ADGRL3: variants seen among roughly 807,000 people sequenced by gnomAD.
The protein encoded by ADGRL3 is adhesion G protein-coupled receptor L3, also known as calcium-independent alpha-latrotoxin receptor 3.
A neutral mutation model predicts 153.5 loss-of-function variants in ADGRL3; 62 were observed. The ratio of observed to expected loss-of-function variants is 0.40; its 90% CI spans 0.33 to 0.50. ADGRL3 has a LOEUF of 0.50. Among genes scored for constraint, ADGRL3 ranks in the 20% least tolerant of loss-of-function variants. ADGRL3 has a pLI of 0.47. For missense variants in ADGRL3, 1,641 were observed against 1,859.4 expected (o/e 0.88, Z 2.16); for synonymous variants, 710 against 672.5 (o/e 1.06, Z -0.86).
At chr4:61,986,695 T>C (rs1409706793) in intron 19 of ADGRL3, among the ~76,000 whole-genome samples, 1 of 152,142 alleles carries the variant, frequency 6.6e-6, no homozygotes, top group Non-Finnish European at 1.5e-5. Flanking sequence ...GGAAGAGAGA[T>C]AGGAAAAGAT....
intron 4 of ADGRL3, among the ~76,000 whole-genome samples, chr4:61,535,659 T>C (rs1041581273): frequency 6.6e-6 from 1 of 152,034 alleles, no homozygotes; most frequent in Admixed American, 6.6e-5. Flanking sequence ...TTCCTTGTTG[T>C]TCAGTCTTGT....
intron 7 of ADGRL3, 84 bp from the exon 8 acceptor site, chr4:61,732,670 C>A: frequency 1.5e-6 from 1 of 659,408 alleles, no homozygotes; most frequent in Non-Finnish European, 2.3e-6. Context: ...GTTAGAGTTG[C>A]ATTCCATTTG....
At chr4:61,979,426 A>C (rs541052565) in intron 17 of ADGRL3, 137 bp from the exon 18 acceptor site, 1 of 722,966 alleles carries the variant, frequency 1.4e-6, no homozygotes, top group South Asian at 1.7e-5. Flanking sequence ...CCAAATCATT[A>C]AGTTACTTTA....
chr4:61,542,109 G>T (rs1309605081), intron 4 of ADGRL3, among the ~76,000 whole-genome samples: 1 of 152,072 alleles, frequency 6.6e-6, no homozygotes, highest in Non-Finnish European at 1.5e-5. Flanking sequence ...AGATGACTGT[G>T]TGACTATAAC....
intron 6 of ADGRL3, among the ~76,000 whole-genome samples, chr4:61,720,943 TCTC>T (rs2096232217): frequency 6.6e-6 from 1 of 152,182 alleles, no homozygotes; most frequent in South Asian, 2.1e-4. Flanking sequence ...TCTTCTACTG[TCTC>T]CTCATCTGCA....
At chr4:61,644,676 T>C (rs999131911) in intron 5 of ADGRL3, among the ~76,000 whole-genome samples, 5 of 152,170 alleles carry the variant, frequency 3.3e-5, no homozygotes, top group Non-Finnish European at 7.3e-5. Context: ...TCTGTTCTTT[T>C]ACATTTGCTG....
At chr4:61,511,991 A>G (rs1029439389) in intron 3 of ADGRL3, among the ~76,000 whole-genome samples, 2 of 152,142 alleles carry the variant, frequency 1.3e-5, no homozygotes, top group African/African-American at 4.8e-5. Context: ...ATATGGCTAA[A>G]ATGAAGGTGC....
chr4:61,287,400 G>T (rs1373511186), intron 1 of ADGRL3, among the ~76,000 whole-genome samples: 1 of 151,718 alleles, frequency 6.6e-6, no homozygotes, highest in African/African-American at 2.4e-5. Flanking sequence ...TACTTGTCTG[G>T]TGAGGATAAC....
At chr4:61,319,169 G>C (rs1240173452) in intron 1 of ADGRL3, among the ~76,000 whole-genome samples, 1 of 152,090 alleles carries the variant, frequency 6.6e-6, no homozygotes, top group Non-Finnish European at 1.5e-5. Flanking sequence ...ATTTTTTGGT[G>C]AAAAGTGTAA....
At chr4:61,670,830 G>A (rs1436797066) in intron 5 of ADGRL3, among the ~76,000 whole-genome samples, 3 of 152,134 alleles carry the variant, frequency 2.0e-5, no homozygotes, top group Non-Finnish European at 2.9e-5. Flanking sequence ...TTACCCATGA[G>A]TGCCTAAATG....
At chr4:61,981,874 A>T (rs764301924) in intron 18 of ADGRL3, among the ~76,000 whole-genome samples, 3 of 152,198 alleles carry the variant, frequency 2.0e-5, no homozygotes, top group Admixed American at 6.5e-5. Flanking sequence ...TTCATGATTA[A>T]TGACTGTAAA....
chr4:61,635,222 G>A (rs1470097849), intron 5 of ADGRL3, among the ~76,000 whole-genome samples: 1 of 152,154 alleles, frequency 6.6e-6, no homozygotes, highest in Non-Finnish European at 1.5e-5. Context: ...AAGGAGGGGA[G>A]AAAGAAGAGC....
At chr4:61,532,868 C>T (rs1386236363) in intron 4 of ADGRL3, among the ~76,000 whole-genome samples, 3 of 151,856 alleles carry the variant, frequency 2.0e-5, no homozygotes, top group Non-Finnish European at 2.9e-5. Flanking sequence ...TACACTGCAA[C>T]CCAAAGAGAA....
chr4:61,340,211 G>T (rs113641923), intron 1 of ADGRL3, among the ~76,000 whole-genome samples: 1 of 152,076 alleles, frequency 6.6e-6, no homozygotes, highest in Non-Finnish European at 1.5e-5. Flanking sequence ...TGCTTTACCC[G>T]CATCTGACTG....
intron 3 of ADGRL3, among the ~76,000 whole-genome samples, chr4:61,515,068 T>G (rs1441836933): frequency 6.6e-6 from 1 of 152,172 alleles, no homozygotes; most frequent in African/African-American, 2.4e-5. Context: ...AGAGTTTTAA[T>G]AATTATCCTA....
At chr4:61,282,861 T>C (rs536369085) in intron 1 of ADGRL3, among the ~76,000 whole-genome samples, 25 of 152,188 alleles carry the variant, frequency 1.6e-4, no homozygotes, top group African/African-American at 5.8e-4. Context: ...AGTTAAACAG[T>C]TTAAACCTAT....
At chr4:61,927,973 T>G (rs903515802) in intron 13 of ADGRL3, among the ~76,000 whole-genome samples, 19 of 151,724 alleles carry the variant, frequency 1.3e-4, no homozygotes, top group Admixed American at 5.9e-4. Context: ...AACTTATTTT[T>G]CTTCCTTAAT....
chr4:61,620,881 C>T lies in ADGRL3; in HGVS notation c.473+33441C>T, dbSNP rs1001369166. ...GTCTCCATCTCCTGACCTCGTGATC[C>T]ACCCGCCTCTGCCTCCCAAAGTGCT... On this transcript the variant is annotated intron_variant, in intron 5 of 26. Coordinates refer to ENST00000683033, the MANE Select transcript of ADGRL3 (RefSeq NM_001387552.1). Among the ~76,000 whole-genome samples, 7 of 152,014 alleles carry T rather than the reference C, an allele frequency of 4.6e-5. No homozygotes were observed. In the East Asian group the frequency reaches 7.8e-4, roughly 17 times the overall value.
At chr4:61,813,129 T>C (rs1229758696) in intron 8 of ADGRL3, among the ~76,000 whole-genome samples, 1 of 152,158 alleles carries the variant, frequency 6.6e-6, no homozygotes, top group Non-Finnish European at 1.5e-5. Context: ...GCTCAGTGGC[T>C]CAAGTCTGTA....
Sources: allele counts gnomAD v4.1 joint callset (sites outside exome capture counted in the v4.1 genomes callset), GRCh38; gene constraint gnomAD v4.1.1; transcripts MANE v1.5; gene names NCBI Gene and HGNC (gene_info 2026-07-23, HGNC 2026-07-21).